Variants in SDK1 observed in about 807,000 individuals in gnomAD.
The protein encoded by SDK1 is sidekick cell adhesion molecule 1.
Under a neutral mutation model 245.5 loss-of-function variants are expected in SDK1, and 157 were observed. The observed-to-expected ratio is 0.64, with a 90% CI of 0.56 to 0.73. The LOEUF (loss-of-function observed/expected upper bound fraction) is 0.73, where lower values mean the gene tolerates loss of function less well. Ranked by LOEUF, SDK1 falls within the 30% of genes least tolerant of loss-of-function variation. The pLI, the probability that SDK1 is intolerant of heterozygous loss-of-function variation, is 0.00. For missense variants in SDK1, 3,583 were observed against 3,002.3 expected, an observed-to-expected ratio of 1.19 and a Z score of -4.52; for synonymous variants, 1,647 against 1,278.5, an observed-to-expected ratio of 1.29 and a Z score of -6.15.
chr7:3,732,531 A>G (rs1249827824), intron 4 of SDK1, among the ~76,000 whole-genome samples: 1 of 152,172 alleles, frequency 6.6e-6, no homozygotes, highest in African/African-American at 2.4e-5. Flanking sequence ...TTTCTTTCAC[A>G]TATTTCCTTT....
intron 1 of SDK1, among the ~76,000 whole-genome samples, chr7:3,543,310 G>C (rs1460216275): frequency 6.6e-6 from 1 of 152,220 alleles, no homozygotes; most frequent in Non-Finnish European, 1.5e-5. Flanking sequence ...TATACTCCTT[G>C]CTTAATTTCT....
intron 1 of SDK1, among the ~76,000 whole-genome samples, chr7:3,452,584 C>A (rs530969580): frequency 3.3e-5 from 5 of 152,166 alleles, no homozygotes; most frequent in Non-Finnish European, 5.9e-5. Flanking sequence ...TGTACACTTT[C>A]ATACTAATAT....
intron 17 of SDK1, among the ~76,000 whole-genome samples, chr7:4,034,476 T>C (rs1788072596): frequency 6.6e-6 from 1 of 152,172 alleles, no homozygotes; most frequent in Admixed American, 6.5e-5. Context: ...TCTCAAACAG[T>C]TTTTAATGTC....
At chr7:4,196,615 C>G (rs1378931102) in intron 35 of SDK1, among the ~76,000 whole-genome samples, 1 of 152,104 alleles carries the variant, frequency 6.6e-6, no homozygotes, top group Non-Finnish European at 1.5e-5. Context: ...CCTCCTAGGC[C>G]CAGGCACTGC....
intron 1 of SDK1, among the ~76,000 whole-genome samples, chr7:3,515,804 A>C (rs958980296): frequency 1.3e-5 from 2 of 152,336 alleles, no homozygotes; most frequent in Admixed American, 1.3e-4. Flanking sequence ...GTACAGTCTC[A>C]AAGACATAAA....
chr7:3,997,897 A>G (rs1315794307), intron 14 of SDK1, among the ~76,000 whole-genome samples: 1 of 152,186 alleles, frequency 6.6e-6, no homozygotes, highest in East Asian at 1.9e-4. Flanking sequence ...CCCCCAGATC[A>G]GAGTGGGTGC....
intron 1 of SDK1, among the ~76,000 whole-genome samples, chr7:3,446,695 CA>C (rs1437692231): frequency 7.9e-5 from 12 of 152,090 alleles, no homozygotes; most frequent in African/African-American, 2.7e-4. Flanking sequence ...TCAAACAAGA[CA>C]AAATTATTAT....
intron 5 of SDK1, among the ~76,000 whole-genome samples, chr7:3,840,116 TTAAAA>T (rs1780120693): frequency 6.6e-6 from 1 of 152,150 alleles, no homozygotes; most frequent in African/African-American, 2.4e-5. Context: ...AAATGTAAAC[TTAAAA>T]TATGTGAGAG....
chr7:4,178,401 T>C (rs1782380373), intron 34 of SDK1, 84 bp from the exon 35 acceptor site: 1 of 988,228 alleles, frequency 1.0e-6, no homozygotes, highest in Non-Finnish European at 1.6e-6. Context: ...TGCTCCTTGC[T>C]TCATTGTGGT....
At chr7:3,580,711 G>A (rs1026678711) in intron 1 of SDK1, among the ~76,000 whole-genome samples, 2 of 152,120 alleles carry the variant, frequency 1.3e-5, no homozygotes, top group African/African-American at 4.8e-5. Flanking sequence ...GCTCACGCCT[G>A]TAATCCCAGC....
chr7:3,364,755 T>A (rs1291588531), intron 1 of SDK1, among the ~76,000 whole-genome samples: 1 of 152,216 alleles, frequency 6.6e-6, no homozygotes, highest in Non-Finnish European at 1.5e-5. Flanking sequence ...TTCTGGTTAT[T>A]CTAGTTCCTT....
intron 1 of SDK1, among the ~76,000 whole-genome samples, chr7:3,526,926 G>A (rs1783157538): frequency 6.6e-6 from 1 of 152,056 alleles, no homozygotes; most frequent in South Asian, 2.1e-4. Flanking sequence ...GACACTCTCT[G>A]CTTACCTTTT....
chr7:3,925,302 A>G (rs548999239), intron 5 of SDK1, among the ~76,000 whole-genome samples: 2 of 152,340 alleles, frequency 1.3e-5, no homozygotes, highest in Admixed American at 1.3e-4. Flanking sequence ...TTTAAAAAGT[A>G]AAAAGAAGCG....
At chr7:3,732,829 G>A (rs1434384280) in intron 4 of SDK1, among the ~76,000 whole-genome samples, 1 of 152,230 alleles carries the variant, frequency 6.6e-6, no homozygotes, top group African/African-American at 2.4e-5. Context: ...TCCTTGAGAT[G>A]CAGGTGTGGT....
rs111875690 is a variant in SDK1 at position 3,557,845 on chromosome 7, C to T, written c.299-61235C>T. Among the ~76,000 whole-genome samples, 24 of 152,268 alleles carry T rather than the reference C, an allele frequency of 1.6e-4. 1 individual carries two copies. The highest frequency in any genetic ancestry group is 2.6e-4 in the Admixed American group (4 of 15,298). On this transcript the variant is annotated intron_variant, in intron 1 of 44. Transcript: ENST00000404826. Reference sequence around the variant, plus strand: ...TCCAGAGACCTTGTTCTCATTCACACGTCTGCATCTCCATGTTATGTTGAG... The same window carrying T: ...TCCAGAGACCTTGTTCTCATTCACATGTCTGCATCTCCATGTTATGTTGAG...
chr7:4,161,034 T>TGCTGGGCCCCCGGGATCTTACA (rs1781083083), intron 31 of SDK1, among the ~76,000 whole-genome samples: 2 of 152,248 alleles, frequency 1.3e-5, no homozygotes, highest in South Asian at 2.1e-4. Context: ...GTCACACTTC[T>TGCTGGGCCCCCGGGATCTTACA]GCTGGGCCCC....
intron 1 of SDK1, among the ~76,000 whole-genome samples, chr7:3,409,294 A>G (rs2128576732): frequency 1.1e-5 from 1 of 94,938 alleles, no homozygotes; most frequent in Admixed American, 1.2e-4. Flanking sequence ...AGATTCTATT[A>G]TGGTTTTTTT....
At chr7:3,704,840 T>C (rs1784838727) in intron 4 of SDK1, among the ~76,000 whole-genome samples, 1 of 152,220 alleles carries the variant, frequency 6.6e-6, no homozygotes, top group South Asian at 2.1e-4. Flanking sequence ...TTTAAGTCTT[T>C]CACCATCTTG....
intron 5 of SDK1, among the ~76,000 whole-genome samples, chr7:3,838,658 C>G (rs749387985): frequency 6.6e-6 from 1 of 152,156 alleles, no homozygotes; most frequent in Non-Finnish European, 1.5e-5. Flanking sequence ...TGCCAGCCCC[C>G]GTCCCTGAAC....
Sources: allele counts gnomAD v4.1 joint callset (sites outside exome capture counted in the v4.1 genomes callset), GRCh38; gene constraint gnomAD v4.1.1; transcripts MANE v1.5; gene names NCBI Gene and HGNC (gene_info 2026-07-23, HGNC 2026-07-21).